Variants in LRRC37A2 observed in about 807,000 individuals in gnomAD.
LRRC37A2 encodes the protein leucine rich repeat containing 37 member A2.
A neutral mutation model predicts 68.8 loss-of-function variants in LRRC37A2; 9 were observed. The ratio of observed to expected loss-of-function variants is 0.13; its 90% confidence interval spans 0.08 to 0.23. The LOEUF is 0.23. Among genes scored for constraint, LRRC37A2 ranks in the 10% least tolerant of loss-of-function variants. The probability of loss-of-function intolerance (pLI) is 1.00; values close to 1 mark genes in which losing one functional copy is unlikely to be tolerated. For missense variants in LRRC37A2, 168 were observed against 950.4 expected (o/e 0.18, Z 10.82); for synonymous variants, 63 against 367.6 (o/e 0.17, Z 9.48).
At chr17:46,890,084 C>T in the LRRC37A2 span, among the ~76,000 whole-genome samples, 1 of 152,226 alleles carries the variant, frequency 6.6e-6, no homozygotes, top group African/African-American at 2.4e-5. Flanking sequence ...GAGGCCCTGC[C>T]TCATTCTTGG....
At chr17:46,911,840 G>T in the LRRC37A2 span, among the ~76,000 whole-genome samples, 1 of 152,124 alleles carries the variant, frequency 6.6e-6, no homozygotes, top group South Asian at 2.1e-4. Flanking sequence ...CCGAGATCAC[G>T]CCACTGCACT....
chr17:46,823,109 ATATATT>A, the LRRC37A2 span, among the ~76,000 whole-genome samples: 1 of 89,776 alleles, frequency 1.1e-5, no homozygotes, highest in African/African-American at 5.3e-5. Flanking sequence ...TAATAAACAC[ATATATT>A]ATATATTATA....
the LRRC37A2 span, among the ~76,000 whole-genome samples, chr17:46,959,045 G>A: frequency 6.6e-6 from 1 of 152,236 alleles, no homozygotes; most frequent in Non-Finnish European, 1.5e-5. Flanking sequence ...CTGCATGCAA[G>A]GCTGTCCTTA....
chr17:46,500,581 T>G, the LRRC37A2 span, among the ~76,000 whole-genome samples: 2 of 150,708 alleles, frequency 1.3e-5, no homozygotes, highest in Admixed American at 6.6e-5. Context: ...ACCTGAAGAT[T>G]GTGAGAAACT....
At chr17:46,882,318 A>C in the LRRC37A2 span, among the ~76,000 whole-genome samples, 1 of 152,200 alleles carries the variant, frequency 6.6e-6, no homozygotes. Context: ...TGAAGAGTCC[A>C]GGCTGCATGT....
chr17:46,853,484 G>T, the LRRC37A2 span, among the ~76,000 whole-genome samples: 1 of 147,054 alleles, frequency 6.8e-6, no homozygotes, highest in Non-Finnish European at 1.5e-5. Context: ...CGATTCTCCT[G>T]CCTCAGCCTC....
chr17:46,525,634 T>C (rs1213233042), intron 6 of LRRC37A2, among the ~76,000 whole-genome samples: 1 of 122,952 alleles, frequency 8.1e-6, no homozygotes, highest in Non-Finnish European at 1.8e-5. Context: ...ATCATCATCA[T>C]CATCATCATC....
chr17:46,883,557 T>C, the LRRC37A2 span, among the ~76,000 whole-genome samples: 5 of 152,244 alleles, frequency 3.3e-5, no homozygotes, highest in Admixed American at 3.3e-4. Flanking sequence ...AGTGCTGGGA[T>C]TACAGGCGTG....
the LRRC37A2 span, among the ~76,000 whole-genome samples, chr17:46,834,538 G>GC: frequency 1.3e-5 from 2 of 152,160 alleles, no homozygotes; most frequent in Non-Finnish European, 2.9e-5. Flanking sequence ...TCGCTGGCTT[G>GC]CCCCTGATTT....
At chr17:46,948,059 C>T in the LRRC37A2 span, among the ~76,000 whole-genome samples, 1 of 151,300 alleles carries the variant, frequency 6.6e-6, no homozygotes, top group Non-Finnish European at 1.5e-5. Flanking sequence ...ACGTGAGCCA[C>T]CGCGCCCAGC....
At chr17:46,493,344 A>T in the LRRC37A2 span, among the ~76,000 whole-genome samples, 1 of 104,510 alleles carries the variant, frequency 9.6e-6, no homozygotes. Flanking sequence ...TTTTTTTTTA[A>T]TAGAGATGGG....
chr17:46,850,318 G>A, the LRRC37A2 span, among the ~76,000 whole-genome samples: 8 of 152,222 alleles, frequency 5.3e-5, no homozygotes, highest in African/African-American at 1.9e-4. Flanking sequence ...TGGCAGAGCT[G>A]TTAGGAATCA....
At chr17:46,940,557 A>T in the LRRC37A2 span, 16 of 1,614,124 alleles carry the variant, frequency 9.9e-6, no homozygotes, top group Non-Finnish European at 1.4e-5. Context: ...TCCCCCAGGC[A>T]CCCAAGGATC....
the LRRC37A2 span, among the ~76,000 whole-genome samples, chr17:46,816,241 T>G: frequency 3.3e-5 from 5 of 151,262 alleles, no homozygotes; most frequent in Non-Finnish European, 5.9e-5. Context: ...GCAAAGATAC[T>G]TCTAGACTTC....
the LRRC37A2 span, chr17:46,929,643 T>C: frequency 3.5e-6 from 3 of 862,200 alleles, no homozygotes; most frequent in Non-Finnish European, 6.1e-6. Flanking sequence ...GCTAATGGGC[T>C]GGGCTTCCTG....
chr17:46,775,131 G>A, the LRRC37A2 span, among the ~76,000 whole-genome samples: 3 of 152,218 alleles, frequency 2.0e-5, no homozygotes, highest in African/African-American at 4.8e-5. Flanking sequence ...ACACAGGGCC[G>A]AGCCAAACAT....
chr17:46,985,672 C>T, the LRRC37A2 span, among the ~76,000 whole-genome samples: 1 of 152,144 alleles, frequency 6.6e-6, no homozygotes, highest in Non-Finnish European at 1.5e-5. Context: ...AACAGAATAC[C>T]TGGATTTTGG....
At chr17:46,738,212 G>A in the LRRC37A2 span, among the ~76,000 whole-genome samples, 1 of 152,132 alleles carries the variant, frequency 6.6e-6, no homozygotes, top group Non-Finnish European at 1.5e-5. Context: ...GGGATTACAG[G>A]TGTGAGCCAT....
At chr17:46,736,028 A>G in the LRRC37A2 span, among the ~76,000 whole-genome samples, 3 of 152,186 alleles carry the variant, frequency 2.0e-5, no homozygotes, top group African/African-American at 7.2e-5. Context: ...AATAACTGCT[A>G]TATAGAGGAA....
Sources: allele counts gnomAD v4.1 joint callset (sites outside exome capture counted in the v4.1 genomes callset), GRCh38; gene constraint gnomAD v4.1.1; transcripts MANE v1.5; gene names NCBI Gene and HGNC (gene_info 2026-07-23, HGNC 2026-07-21).